KIF26A: variants seen among roughly 807,000 people sequenced by gnomAD.
KIF26A encodes the protein kinesin family member 26A.
Under a neutral mutation model 126.0 loss-of-function variants are expected in KIF26A, and 74 were observed. The observed-to-expected ratio is 0.59, with a 90% CI of 0.49 to 0.71. The LOEUF (loss-of-function observed/expected upper bound fraction) is 0.71, where lower values mean the gene tolerates loss of function less well. Ranked by LOEUF, KIF26A falls within the 30% of genes least tolerant of loss-of-function variation. KIF26A has a pLI of 0.00. For synonymous variants in KIF26A, 1,445 were observed against 1,232.7 expected, an observed-to-expected ratio of 1.17 and a Z score of -3.61; for missense variants, 2,984 against 2,763.3, an observed-to-expected ratio of 1.08 and a Z score of -1.79.
chr14:104,139,008 G>T, intron 1 of KIF26A, 35 bp from the exon 2 acceptor site: 2 of 1,328,446 alleles, frequency 1.5e-6, no homozygotes, highest in Non-Finnish European at 1.9e-6. Flanking sequence ...GGACGTCCCA[G>T]GCTCACTGTC....
intron 3 of KIF26A, among the ~76,000 whole-genome samples, chr14:104,153,791 C>T (rs917310495): frequency 1.3e-5 from 2 of 152,342 alleles, no homozygotes; most frequent in African/African-American, 2.4e-5. Flanking sequence ...CAGGCACCTC[C>T]GTCTCCTGCT....
intron 3 of KIF26A, among the ~76,000 whole-genome samples, chr14:104,156,619 G>A (rs1162751754): frequency 2.1e-5 from 3 of 142,542 alleles, no homozygotes; most frequent in East Asian, 1.9e-4. Context: ...AGGGTGAGCC[G>A]GCCATGGGTT....
At chr14:104,163,285 CTT>C (rs1220915168) in intron 4 of KIF26A, among the ~76,000 whole-genome samples, 1 of 152,208 alleles carries the variant, frequency 6.6e-6, no homozygotes, top group Non-Finnish European at 1.5e-5. Flanking sequence ...TGGGGGCTCA[CTT>C]TGAGGTTTGG....
Position 104,151,558 on chromosome 14 carries a change from C to T in KIF26A, c.289-457C>T, listed in dbSNP as rs2037729482. Among the ~76,000 whole-genome samples the T allele has an allele frequency of 6.6e-6, 1 of 152,228 alleles. No homozygotes were observed. The highest frequency in any genetic ancestry group is 2.1e-4 in the South Asian group (1 of 4,834). The stretch of plus-strand genomic sequence containing the variant: ...CCACCTGCCCCACCGGGGCTGGAGA[C>T]CTGAAGAGGAAGGGAGAGGGTCTCC... On this transcript the variant is annotated intron_variant, in intron 2 of 14. Transcript: ENST00000423312. This position sits in a 1 kb window ranked among gnomAD's most constrained non-coding sequence, Gnocchi z 4.9.
At chr14:104,174,003 G>C (rs1049015283) in intron 10 of KIF26A, 135 bp downstream of exon 10, 1 of 1,392,294 alleles carries the variant, frequency 7.2e-7, no homozygotes, top group Non-Finnish European at 9.5e-7. Context: ...GACAGGCCTC[G>C]CTGCCCGTGG....
At position 104,178,035 on chromosome 14, in the gene KIF26A, G is replaced by A. The variant is rs1036930142; in HGVS notation, c.5110+137G>A. 1.4e-5 allele frequency: 15 copies of A among 1,039,604 alleles called. 1 individual carries two copies. In the Admixed American group the frequency reaches 1.7e-4, roughly 12 times the overall value. 64.4% of individuals were successfully genotyped at this position (1,039,604 alleles called of 1,614,324 possible). A position where few individuals can be genotyped will look rare whatever the true frequency, so the allele number is the denominator to read the frequency against. On this transcript the variant is annotated intron_variant, in intron 12 of 14. Transcript: ENST00000423312. ...TTCAAGGTCCCAGACCCACACAGCC[G>A]TGGACGGTTTACAGACTCGCCTGGG...
intron 2 of KIF26A, among the ~76,000 whole-genome samples, chr14:104,146,901 C>T (rs772669389): frequency 3.3e-5 from 5 of 152,122 alleles, no homozygotes; most frequent in Non-Finnish European, 7.4e-5. Context: ...GTGCTCCAGC[C>T]CTGGGATCCT....
intron 4 of KIF26A, among the ~76,000 whole-genome samples, chr14:104,165,331 GTC>G (rs1371830030): frequency 2.8e-5 from 4 of 144,090 alleles, no homozygotes; most frequent in African/African-American, 8.3e-5. Flanking sequence ...GCATGTGTGC[GTC>G]TGTGTGTCTG....
Position 104,177,309 on chromosome 14 carries a change from G to A in KIF26A, c.4521G>A (p.Gly1507=). 3 of 1,552,650 alleles carry A rather than the reference G, an allele frequency of 1.9e-6. No homozygotes were observed. The South Asian group carries it at 3.6e-5, about 18-fold the overall frequency. ...GGKGRGLVAG[G]SRALGPSVKL... Reference sequence around the variant, plus strand: ...AGGGCCGTGGCCTAGTGGCTGGTGGGTCGCGGGCTCTGGGGCCTTCGGTGA... The same window carrying A: ...AGGGCCGTGGCCTAGTGGCTGGTGGATCGCGGGCTCTGGGGCCTTCGGTGA... The change falls in exon 12 of 15, where the codon GGG becomes GGA. Residue 1507 remains glycine, a synonymous_variant. Coordinates refer to ENST00000423312, the MANE Select transcript of KIF26A (RefSeq NM_015656.2).
intron 2 of KIF26A, among the ~76,000 whole-genome samples, chr14:104,149,915 C>T (rs1023801025): frequency 4.6e-5 from 7 of 152,222 alleles, no homozygotes; most frequent in Admixed American, 4.6e-4. Context: ...GACTTCCTTC[C>T]CCTTCACACG....
intron 2 of KIF26A, among the ~76,000 whole-genome samples, chr14:104,140,726 G>GT (rs139543444): frequency 0.017 from 2,643 of 152,232 alleles, 69 homozygotes; most frequent in African/African-American, 0.061. Flanking sequence ...TGGCAGACAG[G>GT]TCTTCAGGGG....
At chr14:104,166,288 C>T (rs991995390) in intron 4 of KIF26A, among the ~76,000 whole-genome samples, 13 of 152,082 alleles carry the variant, frequency 8.5e-5, no homozygotes, top group Admixed American at 3.3e-4. Flanking sequence ...GTGGTAATCT[C>T]GACAGCAGGA....
At position 104,177,269 on chromosome 14, in the gene KIF26A, C is replaced by G. The variant is rs1027406462; in HGVS notation, c.4481C>G (p.Pro1494Arg). ...AAGGCTGTGGGGGCCCCCAAGCCCC[C>G]TGTTGGTGGAGGCAAGGGCCGTGGC... The part of the protein sequence containing the change: ...AAKAVGAPKP[P>R]VGGGKGRGLV... Residue 1494 changes from proline (P) to arginine (R), a missense_variant, in exon 12 of 15, where the codon CCT becomes CGT. Pro to Arg is a moderately radical substitution (Grantham distance 103). Coordinates refer to ENST00000423312, the MANE Select transcript of KIF26A (RefSeq NM_015656.2). 6.3e-6 allele frequency: 10 copies of G among 1,594,050 alleles called. No homozygotes were observed. The highest frequency in any genetic ancestry group is 8.5e-6 in the Non-Finnish European group (10 of 1,173,696).
At chr14:104,165,250 T>C (rs2037876466) in intron 4 of KIF26A, among the ~76,000 whole-genome samples, 1 of 152,122 alleles carries the variant, frequency 6.6e-6, no homozygotes, top group South Asian at 2.1e-4. Flanking sequence ...TCTGTCTCCA[T>C]ATGCATGTGT....
At chr14:104,145,759 A>G (rs543258374) in intron 2 of KIF26A, among the ~76,000 whole-genome samples, 1 of 152,320 alleles carries the variant, frequency 6.6e-6, no homozygotes, top group African/African-American at 2.4e-5. Flanking sequence ...CCTGCCGCCA[A>G]CGTGGCCTCC....
Position 104,177,431 on chromosome 14 carries a change from C to T in KIF26A, c.4643C>T (p.Ala1548Val), listed in dbSNP as rs758164898. 3 of 1,516,690 alleles carry T rather than the reference C, an allele frequency of 2.0e-6. No homozygotes were observed. The highest frequency in any genetic ancestry group is 4.1e-5 in the Admixed American group (2 of 48,750). The allele number at this position is 1,516,690 out of a possible 1,614,324, so 94.0% of individuals were successfully genotyped here. Residue 1548 changes from alanine to valine, a missense_variant, in exon 12 of 15, where the codon GCT becomes GTT. Physicochemically the swap from Ala to Val is moderately conservative, Grantham distance 64. Coordinates refer to ENST00000423312, the MANE Select transcript of KIF26A (RefSeq NM_015656.2). Reference protein sequence around the residue: ...PRAGPSVGAKAGRGTVMGTKQ... With the variant: ...PRAGPSVGAKVGRGTVMGTKQ... Reference sequence around the variant, plus strand: ...GCCGGGCCCAGTGTCGGGGCGAAGGCTGGCCGGGGTACCGTCATGGGCACA... The same window carrying T: ...GCCGGGCCCAGTGTCGGGGCGAAGGTTGGCCGGGGTACCGTCATGGGCACA...
chr14:104,143,608 C>T (rs927751715), intron 2 of KIF26A, among the ~76,000 whole-genome samples: 1 of 152,198 alleles, frequency 6.6e-6, no homozygotes, highest in South Asian at 2.1e-4. Flanking sequence ...AGGTCTGTTG[C>T]CCCCAAATAG....
At chr14:104,179,446 C>T (rs746095151) in intron 14 of KIF26A, 60 bp downstream of exon 14, 2 of 1,446,616 alleles carry the variant, frequency 1.4e-6, no homozygotes, top group East Asian at 2.5e-5. Context: ...CAGCTGCCCT[C>T]CCCTCCCAGA....
Position 104,175,345 on chromosome 14 carries a change from G to C in KIF26A, c.2557G>C (p.Gly853Arg), listed in dbSNP as rs529315066. 6.9e-6 allele frequency: 11 copies of C among 1,602,840 alleles called. No individual in the cohort carries two copies. Among genetic ancestry groups the C allele is most frequent in the Non-Finnish European group, 9.3e-6 (11 of 1,179,126 alleles). Reference protein sequence around the residue: ...ELQERLECMDGNEGPSGGPGG... With the variant: ...ELQERLECMDRNEGPSGGPGG... ...GCAGGAGCGGCTGGAATGCATGGACGGCAACGAGGGTCCCTCAGGAGGTCC... is the reference window on the plus strand; with the variant it reads ...GCAGGAGCGGCTGGAATGCATGGACCGCAACGAGGGTCCCTCAGGAGGTCC... Residue 853 changes from glycine to arginine, a missense_variant, in exon 12 of 15, where the codon GGC becomes CGC. Physicochemically the swap from Gly to Arg is moderately radical, Grantham distance 125 (BLOSUM62 -2). Coordinates refer to ENST00000423312, the MANE Select transcript of KIF26A (RefSeq NM_015656.2).
Sources: allele counts gnomAD v4.1 joint callset (sites outside exome capture counted in the v4.1 genomes callset), GRCh38; gene constraint gnomAD v4.1.1; non-coding constraint Gnocchi (gnomAD v3.1); transcripts MANE v1.5; gene names NCBI Gene and HGNC (gene_info 2026-07-23, HGNC 2026-07-21).